SYNE2: variants seen among roughly 807,000 people sequenced by gnomAD.
SYNE2 encodes the protein spectrin repeat containing nuclear envelope protein 2, also known as nesprin-2.
A neutral mutation model predicts 856.3 loss-of-function variants in SYNE2; 431 were observed. The observed-to-expected ratio is 0.50, with a 90% confidence interval of 0.47 to 0.55. The LOEUF (loss-of-function observed/expected upper bound fraction) is 0.55. Ranked by LOEUF, SYNE2 falls within the 20% of genes least tolerant of loss-of-function variation. The probability of loss-of-function intolerance (pLI) is 0.00; values close to 1 mark genes in which losing one functional copy is unlikely to be tolerated. For synonymous variants in SYNE2, 2,923 were observed against 2,872.3 expected (o/e 1.02, Z -0.56); for missense variants, 8,129 against 8,023.2 (o/e 1.01, Z -0.50).
rs1887052019 is a variant in SYNE2, at chr14:63,774,820, G to GT, written c.-305+12837dup. Among the ~76,000 whole-genome samples, 3 of 152,112 alleles carry GT rather than the reference G, an allele frequency of 2.0e-5. No individual in the cohort carries two copies. In the South Asian group the frequency reaches 6.2e-4, roughly 32 times the overall value. ...CATAAATTGCATGGCTTAAACAACA[G>GT]TTTAAGCCATTTAATGAAATGCAAG... On this transcript the variant is annotated intron_variant, in intron 1 of 23. Coordinates refer to the SYNE2 transcript ENST00000674003.
intron 1 of SYNE2, among the ~76,000 whole-genome samples, chr14:63,834,396 C>T (rs999163637): frequency 6.6e-6 from 1 of 151,908 alleles, no homozygotes; most frequent in Non-Finnish European, 1.5e-5. Context: ...GAAAATTCAT[C>T]CTTGGGTTAT....
At chr14:64,179,369 G>A (rs1398163686) in intron 96 of SYNE2, among the ~76,000 whole-genome samples, 2 of 151,980 alleles carry the variant, frequency 1.3e-5, no homozygotes, top group African/African-American at 4.8e-5. Flanking sequence ...GAACTCCTGG[G>A]GCCTCAAGCG....
intron 2 of SYNE2, among the ~76,000 whole-genome samples, chr14:63,939,012 A>G (rs2095867409): frequency 6.6e-6 from 1 of 152,122 alleles, no homozygotes; most frequent in South Asian, 2.1e-4. Context: ...TGGCTGATAT[A>G]AGCAAGGATA....
chr14:63,977,251 C>T (rs1038230467), intron 12 of SYNE2, among the ~76,000 whole-genome samples: 4 of 152,002 alleles, frequency 2.6e-5, no homozygotes, highest in Non-Finnish European at 4.4e-5. Flanking sequence ...CTTGCTCTGT[C>T]GTCCAGGCTG....
intron 45 of SYNE2, among the ~76,000 whole-genome samples, chr14:64,040,989 T>C (rs1015478916): frequency 1.3e-5 from 2 of 152,052 alleles, no homozygotes; most frequent in Non-Finnish European, 2.9e-5. Flanking sequence ...AGATTACCTC[T>C]AATAAAACAA....
intron 1 of SYNE2, among the ~76,000 whole-genome samples, chr14:63,762,389 C>A (rs1000646586): frequency 1.4e-5 from 2 of 145,876 alleles, no homozygotes; most frequent in African/African-American, 2.6e-5. Flanking sequence ...GAGCTGAGAC[C>A]GTGCCATTGC....
At chr14:64,008,561 GC>G (rs2096818749) in intron 31 of SYNE2, among the ~76,000 whole-genome samples, 1 of 152,138 alleles carries the variant, frequency 6.6e-6, no homozygotes. Flanking sequence ...TTATTAATTT[GC>G]CAGACTGCTT....
chr14:63,954,800 A>G lies in SYNE2; in HGVS notation c.672A>G (p.Arg224=), dbSNP rs753781068. The G allele has an allele frequency of 1.2e-6, 2 of 1,614,082 alleles. No homozygotes were observed. The highest frequency in any genetic ancestry group is 1.7e-6 in the Non-Finnish European group (2 of 1,179,996). Residue 224 remains arginine (R), a synonymous_variant, in exon 8 of 116, where the codon CGA becomes CGG. Coordinates refer to ENST00000555002, the MANE Select transcript of SYNE2 (RefSeq NM_182914.3). ...MAFLAIIHAL[R]PDLIDMKSVK... ...TTTTGGCCATCATTCATGCCTTGCG[A>G]CCAGACCTAATTGACATGAAGAGTG... is the stretch of plus-strand genomic sequence containing the variant.
chr14:64,198,879 A>G (rs2098550357), intron 99 of SYNE2, among the ~76,000 whole-genome samples: 1 of 152,180 alleles, frequency 6.6e-6, no homozygotes, highest in South Asian at 2.1e-4. Flanking sequence ...AGTGAACATC[A>G]TTTACTCCTT....
chr14:64,189,705 G>A (rs1596103444), intron 98 of SYNE2, among the ~76,000 whole-genome samples: 1 of 152,330 alleles, frequency 6.6e-6, no homozygotes, highest in East Asian at 1.9e-4. Flanking sequence ...TTTTGAGACA[G>A]TGTCTCACTG....
At chr14:64,141,634 C>A in intron 81 of SYNE2, 111 bp downstream of exon 81, 1 of 1,178,788 alleles carries the variant, frequency 8.5e-7, no homozygotes, top group Non-Finnish European at 1.2e-6. Flanking sequence ...CTATTTTTCT[C>A]TGGCACCACT....
chr14:64,016,750 A>T (rs932977586), intron 33 of SYNE2, 119 bp downstream of exon 33: 16 of 743,812 alleles, frequency 2.2e-5, no homozygotes, highest in Admixed American at 5.7e-5. Context: ...TTCAAATTAT[A>T]TAAAACTTAG....
Position 64,000,422 on chromosome 14 carries a change from T to C in SYNE2, c.3481-140T>C, listed in dbSNP as rs2096744996. 1.6e-5 allele frequency: 12 copies of C among 768,400 alleles called. No individual in the cohort carries two copies. The Admixed American group carries it at 2.6e-4, about 17-fold the overall frequency. 47.6% of individuals were successfully genotyped at this position (768,400 alleles called of 1,614,324 possible). A position where few individuals can be genotyped will look rare whatever the true frequency, so the allele number is the denominator to read the frequency against. On this transcript the variant is annotated intron_variant, in intron 27 of 115. Coordinates refer to ENST00000555002, the MANE Select transcript of SYNE2 (RefSeq NM_182914.3). ...AAAGGATAGTTCACTTGTAGGTGGT[T>C]GGAAAGTATTTTTAAACACATTTAC...
intron 35 of SYNE2, 112 bp downstream of exon 35, chr14:64,020,205 A>C: frequency 1.3e-6 from 1 of 748,898 alleles, no homozygotes; most frequent in Non-Finnish European, 2.3e-6. Context: ...AAAGAAGAAA[A>C]AAACGGCCCA....
chr14:63,889,201 CTCTTT>C (rs1433699099), intron 1 of SYNE2, among the ~76,000 whole-genome samples: 1 of 151,112 alleles, frequency 6.6e-6, no homozygotes, highest in Non-Finnish European at 1.5e-5. Context: ...TTATAAGCTC[CTCTTT>C]TATTATAGTA....
chr14:63,961,572 G>A lies in SYNE2; in HGVS notation c.835G>A (p.Ala279Thr). The A allele has an allele frequency of 1.2e-6, 2 of 1,614,054 alleles. No homozygotes were observed. The highest frequency in any genetic ancestry group is 1.7e-6 in the Non-Finnish European group (2 of 1,179,972). ...TGAAAAGTCCATCATGACCTATGTG[G>A]CACAGTTTCTGCAGTATTCCAAAGA... ...PDEKSIMTYV[A>T]QFLQYSKDAP... Residue 279 changes from alanine (A) to threonine (T), a missense_variant, in exon 9 of 116, where the codon GCA (alanine) becomes ACA (threonine). By Grantham distance (58) the Ala-to-Thr change is moderately conservative. Coordinates refer to ENST00000555002, the MANE Select transcript of SYNE2 (RefSeq NM_182914.3).
At chr14:64,214,607 A>C in intron 106 of SYNE2, 137 bp downstream of exon 106, 1 of 794,506 alleles carries the variant, frequency 1.3e-6, no homozygotes, top group Admixed American at 2.4e-5. Flanking sequence ...CCTGTGCTCT[A>C]TCCTGCCCAT....
chr14:64,223,743 C>G (rs1410039442), intron 113 of SYNE2, among the ~76,000 whole-genome samples: 1 of 152,168 alleles, frequency 6.6e-6, no homozygotes, highest in Non-Finnish European at 1.5e-5. Flanking sequence ...GCCACCATAG[C>G]TGGCCTACTT....
Position 64,103,310 on chromosome 14 carries a change from T to A in SYNE2, c.12492+1268T>A, listed in dbSNP as rs570952721. Among the ~76,000 whole-genome samples, 3 of 151,266 alleles carry A rather than the reference T, an allele frequency of 2.0e-5. No individual in the cohort carries two copies. In the South Asian group the frequency reaches 6.3e-4, roughly 32 times the overall value. ...TTTTACCAAAGCATGTAAATTAACA[T>A]GCCACTCTTTTGGGAGTTTTGGGTG... On this transcript the variant is annotated intron_variant, in intron 64 of 115. Transcript: ENST00000555002.
Sources: gnomAD v4.1 joint callset for allele counts (sites outside exome capture counted in the v4.1 genomes callset) on GRCh38, gnomAD v4.1.1 for gene constraint, MANE v1.5 for transcripts, NCBI Gene and HGNC (gene_info 2026-07-23, HGNC 2026-07-21) for gene names.